The following H2BC12 variants were observed in gnomAD, a reference collection of about 807,000 sequenced individuals.
H2BC12 encodes the protein H2B clustered histone 12.
In H2BC12, 6 loss-of-function variants were observed where a neutral mutation model predicts 6.3. The ratio of observed to expected loss-of-function variants is 0.95; its 90% CI spans 0.52 to 1.87. H2BC12 has a LOEUF of 1.87. Ranked by LOEUF, H2BC12 falls within the 40% of genes most tolerant of loss-of-function variation. The pLI is 0.01. For synonymous variants in H2BC12, 132 were observed against 78.5 expected, an observed-to-expected ratio of 1.68 and a Z score of -3.60; for missense variants, 119 against 178.4, an observed-to-expected ratio of 0.67 and a Z score of 1.90.
chr6:27,139,657 CCT>C, the H2BC12 span: 3 of 1,570,618 alleles, frequency 1.9e-6, no homozygotes, highest in Non-Finnish European at 2.6e-6. Flanking sequence ...CTAAAAAGGC[CCT>C]TTTTAGGGCC....
downstream of H2BC12, among the ~76,000 whole-genome samples, chr6:27,144,137 C>T (rs1372425528): frequency 6.6e-6 from 1 of 152,078 alleles, no homozygotes; most frequent in African/African-American, 2.4e-5. Context: ...TAACAGTGAT[C>T]TGAACTTTTT....
chr6:27,139,802 C>A, the H2BC12 span: 1 of 1,033,472 alleles, frequency 9.7e-7, no homozygotes, highest in Non-Finnish European at 1.3e-6. Context: ...TACAGGTGAC[C>A]TTGGGCCGAG....
chr6:27,144,460 T>TCGGG (rs1491530813), downstream of H2BC12, among the ~76,000 whole-genome samples: 2 of 17,624 alleles, frequency 1.1e-4, no homozygotes, highest in Admixed American at 2.3e-3. Flanking sequence ...AGACTCTGTC[T>TCGGG]GGGGGGGGGG....
downstream of H2BC12, among the ~76,000 whole-genome samples, chr6:27,143,398 G>A (rs547786259): frequency 6.6e-6 from 1 of 152,124 alleles, no homozygotes; most frequent in African/African-American, 2.4e-5. Flanking sequence ...CCTGAAGATA[G>A]AGATAAGGTC....
the H2BC12 span, chr6:27,139,163 G>T: frequency 3.8e-6 from 3 of 785,060 alleles, no homozygotes; most frequent in Non-Finnish European, 5.9e-6. Context: ...AGCACAGCAG[G>T]CCTGTTTCCC....
chr6:27,138,455 G>C, the H2BC12 span: 1 of 152,200 alleles, frequency 6.6e-6, no homozygotes, highest in African/African-American at 2.4e-5. Context: ...ATGATTATTA[G>C]AGAGAAGGAA....
chr6:27,140,422 A>T, the H2BC12 span, among the ~76,000 whole-genome samples: 3 of 152,204 alleles, frequency 2.0e-5, no homozygotes, highest in African/African-American at 7.2e-5. Context: ...TTTGCTCTTG[A>T]AATATATCCG....
the H2BC12 span, chr6:27,139,675 G>C: frequency 1.3e-6 from 2 of 1,539,126 alleles, no homozygotes; most frequent in African/African-American, 1.4e-5. Flanking sequence ...GGGCCCCTAA[G>C]CTTTCAACAA....
downstream of H2BC12, among the ~76,000 whole-genome samples, chr6:27,142,365 CG>C (rs1439437420): frequency 6.6e-6 from 1 of 151,298 alleles, no homozygotes; most frequent in African/African-American, 2.4e-5. Context: ...CTCCGCCTCC[CG>C]GGTTCAAGCA....
chr6:27,143,540 G>A (rs983355112), downstream of H2BC12, among the ~76,000 whole-genome samples: 1 of 151,374 alleles, frequency 6.6e-6, no homozygotes, highest in African/African-American at 2.4e-5. Flanking sequence ...AGTTTTTCCA[G>A]CTCATCTAGG....
the H2BC12 span, chr6:27,139,819 C>G: frequency 2.2e-6 from 2 of 892,050 alleles, no homozygotes; most frequent in Non-Finnish European, 3.3e-6. Flanking sequence ...CGAGATTTTT[C>G]CAAGGCCAGA....
Position 27,146,831 on chromosome 6 carries a change from G to A in H2BC12, c.-33C>T, listed in dbSNP as rs768897841. 6.2e-6 allele frequency: 10 copies of A among 1,605,336 alleles called. No homozygotes were observed. The highest frequency in any genetic ancestry group is 2.7e-5 in the African/African-American group (2 of 74,378). ...GCGAACTACGAGCCTGAGACGAGCA[G>A]CAGATCGAGAAAACGGGAAGTAATG... On this transcript the variant is annotated 5_prime_UTR_variant, in exon 1 of 1. Transcript: ENST00000356950.
the H2BC12 span, chr6:27,139,164 C>T: frequency 6.3e-6 from 5 of 795,202 alleles, no homozygotes; most frequent in East Asian, 1.1e-4. Flanking sequence ...GCACAGCAGG[C>T]CTGTTTCCCT....
downstream of H2BC12, among the ~76,000 whole-genome samples, chr6:27,144,471 G>C (rs187288443): frequency 5.8e-3 from 710 of 121,998 alleles, 65 homozygotes; most frequent in Middle Eastern, 0.016. Context: ...GGGGGGGGGG[G>C]GGGGGGCGGA....
At chr6:27,139,308 A>G in the H2BC12 span, 3 of 1,602,320 alleles carry the variant, frequency 1.9e-6, no homozygotes, top group Non-Finnish European at 1.7e-6. Context: ...ACCACTTGAT[A>G]ATGTCAGGAC....
chr6:27,144,934 C>A (rs139294464), downstream of H2BC12, among the ~76,000 whole-genome samples: 1 of 152,084 alleles, frequency 6.6e-6, no homozygotes, highest in Non-Finnish European at 1.5e-5. Flanking sequence ...GCTGGGACTA[C>A]GGGCACATGC....
chr6:27,143,105 ACTTTGGG>A (rs1760027067), downstream of H2BC12, among the ~76,000 whole-genome samples: 3 of 151,932 alleles, frequency 2.0e-5, no homozygotes, highest in Admixed American at 2.0e-4. Flanking sequence ...TCACGCCAGC[ACTTTGGG>A]AGGCCAAGGC....
At chr6:27,139,264 G>T in the H2BC12 span, 1 of 1,537,280 alleles carries the variant, frequency 6.5e-7, no homozygotes, top group South Asian at 1.3e-5. Flanking sequence ...ATAAAAGAAA[G>T]CTGCCATCAC....
At chr6:27,142,725 C>T (rs552282437), downstream of H2BC12, among the ~76,000 whole-genome samples, 1 of 147,746 alleles carries the variant, frequency 6.8e-6, no homozygotes, top group East Asian at 2.0e-4. Flanking sequence ...CAACCTCAGC[C>T]TCCCGGGTTC....
Sources: allele counts gnomAD v4.1 joint callset (sites outside exome capture counted in the v4.1 genomes callset), GRCh38; gene constraint gnomAD v4.1.1; transcripts MANE v1.5; gene names NCBI Gene and HGNC (gene_info 2026-07-23, HGNC 2026-07-21).